The following EPS8L2 variants were observed in gnomAD, a reference collection of about 807,000 sequenced individuals.
The protein encoded by EPS8L2 is epidermal growth factor receptor kinase substrate 8-like protein 2.
A neutral mutation model predicts 99.4 loss-of-function variants in EPS8L2; 81 were observed. The observed-to-expected ratio is 0.82, with a 90% CI of 0.68 to 0.98. The LOEUF (loss-of-function observed/expected upper bound fraction) is 0.98, where lower values mean the gene tolerates loss of function less well. Among genes scored for constraint, EPS8L2 ranks in the 50% least tolerant of loss-of-function variants. EPS8L2 has a pLI of 0.00. For synonymous variants in EPS8L2, 509 were observed against 407.3 expected (o/e 1.25, Z -3.01); for missense variants, 1,155 against 968.8 (o/e 1.19, Z -2.55).
In EPS8L2 at chr11:720,901, G is replaced by T. The variant is rs1480993355; in HGVS notation, c.549G>T (p.Gln183His). 4 of 1,459,628 alleles carry T rather than the reference G, an allele frequency of 2.7e-6. 1 individual carries two copies. The highest frequency in any genetic ancestry group is 4.2e-5 in the Admixed American group (2 of 47,274). The allele number at this position is 1,459,628 out of a possible 1,614,324, so 90.4% of individuals were successfully genotyped here. A position where few individuals can be genotyped will look rare whatever the true frequency, so the allele number is the denominator to read the frequency against. Residue 183 changes from glutamine to histidine, a missense_variant, in exon 7 of 21, where the codon CAG (glutamine) becomes CAT (histidine). By Grantham distance (24) the Gln-to-His change is conservative. Coordinates refer to ENST00000318562, the MANE Select transcript of EPS8L2 (RefSeq NM_022772.4). ...GGCTGGGCAAGAAGATGCGGCCGCAGACCCTGAAGTAGGGCAGCGGGCGGA... is the reference window on the plus strand; with the variant it reads ...GGCTGGGCAAGAAGATGCGGCCGCATACCCTGAAGTAGGGCAGCGGGCGGA... ...DCRLGKKMRP[Q>H]TLKGHQEKIR... is the part of the protein sequence containing the mutation.
rs768301600 is a variant in EPS8L2, at chr11:726,305, G to A, written c.1755G>A (p.Glu585=). 6.2e-7 allele frequency: 1 copy of A among 1,606,770 alleles called. No individual in the cohort carries two copies. The highest frequency in any genetic ancestry group is 1.1e-5 in the South Asian group (1 of 90,348). Residue 585 remains glutamate (E), a splice_region_variant and synonymous_variant, in exon 19 of 21, where the codon GAG becomes GAA. Transcript: ENST00000318562. The part of the protein sequence containing the change: ...LPPSFPGNKD[E]LMQHMDEVND... ...GGCCTGAGTCGCGCGCCCCCTCAGA[G>A]CTCATGCAGCACATGGACGAGGTCA... is the stretch of plus-strand genomic sequence containing the variant.
chr11:717,434 G>C (rs1017634844), intron 4 of EPS8L2, among the ~76,000 whole-genome samples: 3 of 152,248 alleles, frequency 2.0e-5, no homozygotes, highest in African/African-American at 7.2e-5. Context: ...GTAGAATTGG[G>C]AGGGGATGGT....
intron 4 of EPS8L2, among the ~76,000 whole-genome samples, chr11:715,968 C>CTTTTTTT (rs150677634): frequency 5.5e-5 from 5 of 91,562 alleles, no homozygotes; most frequent in African/African-American, 1.0e-4. Flanking sequence ...GATTATTTAT[C>CTTTTTTT]TTTTTTTTTT....
At chr11:711,446 A>C (rs1214298761) in intron 4 of EPS8L2, among the ~76,000 whole-genome samples, 1 of 151,908 alleles carries the variant, frequency 6.6e-6, no homozygotes, top group African/African-American at 2.4e-5. Context: ...CCTGGACTCA[A>C]GTGATCCCCT....
At chr11:710,157 G>A (rs540481928) in intron 3 of EPS8L2, 1 of 472,562 alleles carries the variant, frequency 2.1e-6, no homozygotes, top group East Asian at 4.0e-5. Context: ...AACCCCCCGG[G>A]CACAGGCTGC....
At chr11:715,176 A>G (rs1369201509) in intron 4 of EPS8L2, among the ~76,000 whole-genome samples, 1 of 151,486 alleles carries the variant, frequency 6.6e-6, no homozygotes, top group Non-Finnish European at 1.5e-5. Context: ...CCGGAGGCGG[A>G]GCTTGCAGTA....
In EPS8L2 at chr11:723,324, A is replaced by G; in HGVS notation, c.1425A>G (p.Leu475=). The G allele has an allele frequency of 6.3e-7, 1 of 1,591,604 alleles. No individual in the cohort carries two copies. The highest frequency in any genetic ancestry group is 8.6e-7 in the Non-Finnish European group (1 of 1,167,924). The change falls in exon 15 of 21, where the codon CTA becomes CTG. Residue 475 remains leucine (L), a synonymous_variant. Transcript: ENST00000318562. ...AGCCCACCCCCCCGGGGGATGCCCT[A>G]CCACCAGTCAGCTCCCCACATACTC... ...TSEPTPPGDA[L]PPVSSPHTHR...
At chr11:721,388 C>T in intron 9 of EPS8L2, 36 bp downstream of exon 9, 3 of 1,536,478 alleles carry the variant, frequency 2.0e-6, no homozygotes, top group Non-Finnish European at 2.6e-6. Flanking sequence ...CCCCTCTCTT[C>T]CCCGCCCCCA....
chr11:717,639 G>A (rs1037363704), intron 4 of EPS8L2, among the ~76,000 whole-genome samples: 5 of 152,200 alleles, frequency 3.3e-5, no homozygotes, highest in Admixed American at 2.0e-4. Flanking sequence ...AGCACTTTGG[G>A]AGGCACAGGC....
rs1352243072 is a variant in EPS8L2, at chr11:726,625, G to T, written c.1941G>T (p.Val647=). The T allele has an allele frequency of 2.6e-6, 4 of 1,552,128 alleles. No homozygotes were observed. The Admixed American group carries it at 5.9e-5, about 23-fold the overall frequency. Reference sequence around the variant, plus strand: ...CCCAACTGCCCGCCCCCAGGATCGTGGAGAACCTGGGCATCCTGACCGGGC... The same window carrying T: ...CCCAACTGCCCGCCCCCAGGATCGTTGAGAACCTGGGCATCCTGACCGGGC... The part of the protein sequence containing the change: ...LEAKAFSPRI[V]ENLGILTGPQ... Residue 647 remains valine (V), a synonymous_variant, in exon 20 of 21, where the codon GTG becomes GTT. Transcript: ENST00000318562.
At chr11:710,771 G>A (rs1590046820) in intron 4 of EPS8L2, among the ~76,000 whole-genome samples, 2 of 152,048 alleles carry the variant, frequency 1.3e-5, no homozygotes, top group South Asian at 2.1e-4. Context: ...AGAGAGAAAG[G>A]GAGGAAGGGA....
chr11:725,605 A>C, intron 16 of EPS8L2, 123 bp from the exon 17 acceptor site: 1 of 928,116 alleles, frequency 1.1e-6, no homozygotes, highest in East Asian at 3.3e-5. Flanking sequence ...TGCGGAGAGA[A>C]TGGAGCGAAG....
rs1280007946 is a variant in EPS8L2 at position 722,230 on chromosome 11, C to T, written c.1059+65C>T. 39 of 1,570,974 alleles carry T rather than the reference C, an allele frequency of 2.5e-5. 1 individual carries two copies. The highest frequency in any genetic ancestry group is 4.5e-5 in the South Asian group (4 of 88,832). ...CCCAGAGGCCTCTGCAGCATCTCCC[C>T]GGGGTCGGGGTTGGGGCAGCAGGTG... On this transcript the variant is annotated intron_variant, in intron 12 of 20. Transcript: ENST00000318562.
Position 720,058 on chromosome 11 carries a change from C to G in EPS8L2, c.166-4C>G, listed in dbSNP as rs779977651. Reference sequence around the variant, plus strand: ...CCCAGCAGTGACCACCTGCCCACCCCCAGCACCTGGCCACATTCATCATGG... The same window carrying G: ...CCCAGCAGTGACCACCTGCCCACCCGCAGCACCTGGCCACATTCATCATGG... On this transcript the variant is annotated splice_region_variant and splice_polypyrimidine_tract_variant and intron_variant, in intron 4 of 20. Coordinates refer to ENST00000318562, the MANE Select transcript of EPS8L2 (RefSeq NM_022772.4). The G allele has an allele frequency of 1.8e-5, 29 of 1,610,648 alleles. No homozygotes were observed. The highest frequency in any genetic ancestry group is 2.2e-5 in the Non-Finnish European group (26 of 1,178,694).
intron 4 of EPS8L2, among the ~76,000 whole-genome samples, chr11:710,889 G>A (rs112581173): frequency 0.05 from 7,653 of 152,292 alleles, 241 homozygotes; most frequent in Middle Eastern, 0.085. Context: ...CTCAGCCACG[G>A]GGCCGGGGAA....
At position 727,087 on chromosome 11, in the gene EPS8L2, T is replaced by C; in HGVS notation, c.*106T>C. ...TTTTGTATCAAGGACACGGAGGGGG[T>C]GTGGTGCTGGCTAGAGGTCCCTGCC... On this transcript the variant is annotated 3_prime_UTR_variant, in exon 21 of 21. Transcript: ENST00000318562. The C allele has an allele frequency of 1.2e-6, 1 of 835,540 alleles. No individual in the cohort carries two copies. The highest frequency in any genetic ancestry group is 2.7e-5 in the East Asian group (1 of 37,032). 51.8% of individuals were successfully genotyped at this position (835,540 alleles called of 1,614,324 possible). A position where few individuals can be genotyped will look rare whatever the true frequency, so the allele number is the denominator to read the frequency against.
chr11:707,139 C>T (rs996407875), intron 1 of EPS8L2, among the ~76,000 whole-genome samples: 4 of 151,786 alleles, frequency 2.6e-5, no homozygotes, highest in Admixed American at 6.5e-5. Flanking sequence ...CCTCCCCTCG[C>T]GGCCCCTCCT....
At chr11:713,109 G>A (rs1315056528) in intron 4 of EPS8L2, among the ~76,000 whole-genome samples, 3 of 152,252 alleles carry the variant, frequency 2.0e-5, no homozygotes, top group Non-Finnish European at 4.4e-5. Context: ...CTGGGGACCA[G>A]AGAGAGGGTG....
chr11:720,429 T>G, intron 5 of EPS8L2, 168 bp from the exon 6 acceptor site: 1 of 1,208,614 alleles, frequency 8.3e-7, no homozygotes, highest in South Asian at 1.4e-5. Flanking sequence ...GGGTCAGCCT[T>G]GCGGTACAGC....
Sources: allele counts gnomAD v4.1 joint callset (sites outside exome capture counted in the v4.1 genomes callset), GRCh38; gene constraint gnomAD v4.1.1; transcripts MANE v1.5; gene names NCBI Gene and HGNC (gene_info 2026-07-23, HGNC 2026-07-21).